Variants in HCN1 observed in about 807,000 individuals in gnomAD.
HCN1 encodes the protein potassium/sodium hyperpolarization-activated cyclic nucleotide-gated channel 1.
In HCN1, 13 loss-of-function variants were observed where a neutral mutation model predicts 78.9. The ratio of observed to expected loss-of-function variants is 0.16; its 90% CI spans 0.11 to 0.26. The LOEUF (loss-of-function observed/expected upper bound fraction) is 0.26. HCN1 is among the 10% of genes least tolerant of loss of function. HCN1 has a pLI of 1.00. For missense variants in HCN1, 810 were observed against 1,154.3 expected, an observed-to-expected ratio of 0.70 and a Z score of 4.32; for synonymous variants, 552 against 455.5, an observed-to-expected ratio of 1.21 and a Z score of -2.70.
At chr5:45,291,649 C>G (rs1428745058) in intron 6 of HCN1, among the ~76,000 whole-genome samples, 2 of 151,910 alleles carry the variant, frequency 1.3e-5, no homozygotes, top group East Asian at 3.9e-4. Flanking sequence ...AAGGGATCCT[C>G]CCACTTCAGG....
At chr5:45,444,493 G>A (rs553825281) in intron 3 of HCN1, among the ~76,000 whole-genome samples, 56 of 152,078 alleles carry the variant, frequency 3.7e-4, no homozygotes, top group African/African-American at 9.9e-4. Context: ...CAATTATGTC[G>A]TATATTGAAG....
chr5:45,495,597 T>C (rs1398015412), intron 2 of HCN1, among the ~76,000 whole-genome samples: 9 of 152,284 alleles, frequency 5.9e-5, no homozygotes, highest in Non-Finnish European at 1.2e-4. Flanking sequence ...TTTATTTCCT[T>C]CTCCTAACTG....
chr5:45,304,004 T>A (rs997318646), intron 5 of HCN1, among the ~76,000 whole-genome samples, 165 bp from the exon 6 acceptor site: 2 of 152,134 alleles, frequency 1.3e-5, no homozygotes, highest in African/African-American at 4.8e-5. Flanking sequence ...CAGGATTATG[T>A]TTTATTTTTA....
intron 3 of HCN1, among the ~76,000 whole-genome samples, chr5:45,454,016 A>C (rs1740975892): frequency 6.6e-6 from 1 of 152,128 alleles, no homozygotes; most frequent in South Asian, 2.1e-4. Context: ...GTAAGCGGGA[A>C]CAAAAACATG....
chr5:45,447,744 C>A (rs1740829029), intron 3 of HCN1, among the ~76,000 whole-genome samples: 1 of 152,074 alleles, frequency 6.6e-6, no homozygotes, highest in East Asian at 1.9e-4. Context: ...TCAGAAAGCA[C>A]CTTGTAGAAA....
chr5:45,672,000 T>C (rs1247695576), intron 1 of HCN1, among the ~76,000 whole-genome samples: 1 of 151,628 alleles, frequency 6.6e-6, no homozygotes, highest in African/African-American at 2.4e-5. Context: ...TTTGAAATTC[T>C]TTCTTTCCTG....
At chr5:45,452,452 A>C (rs1740940180) in intron 3 of HCN1, among the ~76,000 whole-genome samples, 1 of 151,626 alleles carries the variant, frequency 6.6e-6, no homozygotes, top group South Asian at 2.1e-4. Context: ...TAGTACCCAG[A>C]ATAAATTACA....
chr5:45,448,679 T>G lies in HCN1; in HGVS notation c.1011+13167A>C, dbSNP rs182556944. Among the ~76,000 whole-genome samples, 309 of 152,346 alleles carry G rather than the reference T, an allele frequency of 2.0e-3. 2 individuals are homozygous for G. Among genetic ancestry groups the G allele is most frequent in the African/African-American group, 7.0e-3 (289 of 41,582 alleles). ...TTTCTAGGTATACAGTACATCTGCTTGTACTCTCAGCTACCTGAAATTATT... is the reference window on the plus strand; with the variant it reads ...TTTCTAGGTATACAGTACATCTGCTGGTACTCTCAGCTACCTGAAATTATT... On this transcript the variant is annotated intron_variant, in intron 3 of 7. Transcript: ENST00000303230.
intron 3 of HCN1, among the ~76,000 whole-genome samples, chr5:45,453,426 G>A (rs190766218): frequency 1.3e-5 from 2 of 152,126 alleles, no homozygotes; most frequent in Admixed American, 6.5e-5. Context: ...TTGAATTTAC[G>A]ACAGTAGTAA....
chr5:45,688,450 T>C (rs1739849289), intron 1 of HCN1, among the ~76,000 whole-genome samples: 1 of 152,102 alleles, frequency 6.6e-6, no homozygotes, highest in Admixed American at 6.6e-5. Flanking sequence ...GGGCACATAC[T>C]TGCAGGTGCC....
intron 2 of HCN1, among the ~76,000 whole-genome samples, chr5:45,606,913 A>G (rs1744737007): frequency 6.6e-6 from 1 of 152,006 alleles, no homozygotes; most frequent in Non-Finnish European, 1.5e-5. Flanking sequence ...TGGTATGTAG[A>G]GAAAGACAAT....
intron 5 of HCN1, among the ~76,000 whole-genome samples, chr5:45,344,982 G>A (rs537627552): frequency 1.3e-5 from 2 of 152,296 alleles, no homozygotes; most frequent in East Asian, 3.9e-4. Flanking sequence ...GGTTCTCCAT[G>A]AGGGCCCTGT....
At chr5:45,302,083 G>T (rs1158826936) in intron 6 of HCN1, among the ~76,000 whole-genome samples, 1 of 152,022 alleles carries the variant, frequency 6.6e-6, no homozygotes, top group African/African-American at 2.4e-5. Context: ...AATGCAAACA[G>T]AAATACAAAT....
chr5:45,605,166 C>A (rs2111969803), intron 2 of HCN1, among the ~76,000 whole-genome samples: 1 of 151,984 alleles, frequency 6.6e-6, no homozygotes, highest in East Asian at 1.9e-4. Context: ...ATTTTTGAGA[C>A]CAGTGTTTGA....
chr5:45,560,577 T>C (rs1442099810), intron 2 of HCN1, among the ~76,000 whole-genome samples: 1 of 151,968 alleles, frequency 6.6e-6, no homozygotes, highest in Non-Finnish European at 1.5e-5. Flanking sequence ...TAGTGATACA[T>C]TGACCAAAAA....
chr5:45,543,111 T>A (rs1479374474), intron 2 of HCN1, among the ~76,000 whole-genome samples: 1 of 152,110 alleles, frequency 6.6e-6, no homozygotes, highest in African/African-American at 2.4e-5. Flanking sequence ...ATGTTCTTTT[T>A]ATACCCATAA....
At chr5:45,349,291 T>G (rs1346627030) in intron 5 of HCN1, among the ~76,000 whole-genome samples, 1 of 151,982 alleles carries the variant, frequency 6.6e-6, no homozygotes, top group African/African-American at 2.4e-5. Flanking sequence ...CATAACGAAA[T>G]GAAGGCAGAA....
At chr5:45,515,387 A>G (rs977646913) in intron 2 of HCN1, among the ~76,000 whole-genome samples, 1 of 151,918 alleles carries the variant, frequency 6.6e-6, no homozygotes, top group Non-Finnish European at 1.5e-5. Context: ...AAATTGCTGA[A>G]CTCTCATTTA....
intron 3 of HCN1, among the ~76,000 whole-genome samples, chr5:45,444,622 A>G (rs1740748438): frequency 6.6e-6 from 1 of 151,980 alleles, no homozygotes; most frequent in African/African-American, 2.4e-5. Flanking sequence ...TGTTTGTCAT[A>G]TGAAATCCAT....
Sources: allele counts gnomAD v4.1 joint callset (sites outside exome capture counted in the v4.1 genomes callset), GRCh38; gene constraint gnomAD v4.1.1; transcripts MANE v1.5; gene names NCBI Gene and HGNC (gene_info 2026-07-23, HGNC 2026-07-21).